Variants in CAPZB observed in about 807,000 individuals in gnomAD.
CAPZB encodes the protein F-actin-capping protein subunit beta.
A neutral mutation model predicts 38.1 loss-of-function variants in CAPZB; 2 were observed. That is an observed-to-expected ratio of 0.05 (90% CI 0.02 to 0.17). CAPZB has a LOEUF of 0.17. Among genes scored for constraint, CAPZB ranks in the 10% least tolerant of loss-of-function variants. The pLI is 1.00. For missense variants in CAPZB, 161 were observed against 334.2 expected (o/e 0.48, Z 4.04); for synonymous variants, 107 against 127.4 (o/e 0.84, Z 1.08).
intron 1 of CAPZB, among the ~76,000 whole-genome samples, chr1:19,432,248 C>T (rs1026953659): frequency 6.6e-6 from 1 of 151,372 alleles, no homozygotes; most frequent in Non-Finnish European, 1.5e-5. Flanking sequence ...TCAAGACTAG[C>T]CTGGAGAACA....
Position 19,378,631 on chromosome 1 carries a change from C to A in CAPZB, c.238G>T (p.Asp80Tyr). The change falls in exon 4 of 9, where the codon GAC becomes TAC. Residue 80 changes from aspartate to tyrosine, a missense_variant. Transcript: ENST00000264202. ...ATGGCCCCATCCTCCAAGGGAGGGT[C>A]ATACTTGTTACTCCATGGTGACCTG... ...SYRSPWSNKY[D>Y]PPLEDGAMPS... 2 of 1,607,616 alleles carry A rather than the reference C, an allele frequency of 1.2e-6. No homozygotes were observed. The highest frequency in any genetic ancestry group is 1.7e-6 in the Non-Finnish European group (2 of 1,174,122).
At chr1:19,481,660 G>C (rs569936335) in intron 1 of CAPZB, among the ~76,000 whole-genome samples, 1 of 152,338 alleles carries the variant, frequency 6.6e-6, no homozygotes, top group Non-Finnish European at 1.5e-5. Context: ...CGGGGCCCCA[G>C]AAAGCCTTGG....
In CAPZB at chr1:19,352,608, G is replaced by A. The variant is rs214337; in HGVS notation, c.588+4027C>T. ...TGGGGGGCCACGTGGCAGTGTACCA[G>A]AGGGTACCTTCTGCCCGCCTTTCCT... On this transcript the variant is annotated intron_variant, in intron 6 of 8. Transcript: ENST00000264202. 7.0e-3 allele frequency among the ~76,000 whole-genome samples: 1,063 copies of A among 152,346 alleles called. 14 individuals are homozygous for A. Among genetic ancestry groups the A allele is most frequent in the African/African-American group, 0.024 (1,001 of 41,580 alleles).
chr1:19,468,236 T>C (rs1304601882), intron 1 of CAPZB, among the ~76,000 whole-genome samples: 2 of 152,262 alleles, frequency 1.3e-5, no homozygotes, highest in Non-Finnish European at 1.5e-5. Flanking sequence ...GTTTCTTCCC[T>C]CTTTTCTATA....
intron 2 of CAPZB, among the ~76,000 whole-genome samples, chr1:19,391,413 C>G (rs760281246): frequency 2.6e-5 from 4 of 152,120 alleles, no homozygotes; most frequent in Non-Finnish European, 5.9e-5. Context: ...TGGCCGAGAG[C>G]CCACCACCAG....
At chr1:19,387,877 G>C (rs930043875) in intron 2 of CAPZB, among the ~76,000 whole-genome samples, 1 of 152,186 alleles carries the variant, frequency 6.6e-6, no homozygotes, top group Admixed American at 6.6e-5. Flanking sequence ...GGAAATGCAC[G>C]TATGTTACTG....
At chr1:19,362,557 G>A (rs893443388) in intron 4 of CAPZB, among the ~76,000 whole-genome samples, 1 of 152,112 alleles carries the variant, frequency 6.6e-6, no homozygotes, top group Non-Finnish European at 1.5e-5. Flanking sequence ...AGGACCAGGC[G>A]CAGTGGCTCA....
intron 1 of CAPZB, among the ~76,000 whole-genome samples, chr1:19,474,021 G>A (rs2094598612): frequency 6.6e-6 from 1 of 151,430 alleles, no homozygotes; most frequent in East Asian, 1.9e-4. Flanking sequence ...TTTGAGACAG[G>A]GTCTCACTCC....
chr1:19,410,033 A>C (rs113616053), intron 2 of CAPZB, among the ~76,000 whole-genome samples: 145 of 152,344 alleles, frequency 9.5e-4, no homozygotes, highest in African/African-American at 3.4e-3. Context: ...TTTATTGAAC[A>C]ATTATTTTTC....
chr1:19,438,111 T>C (rs1377282309), intron 1 of CAPZB, among the ~76,000 whole-genome samples: 1 of 152,164 alleles, frequency 6.6e-6, no homozygotes, highest in Non-Finnish European at 1.5e-5. Context: ...ACCGGGCACA[T>C]GGTTCCGAGG....
At chr1:19,484,248 G>A in intron 1 of CAPZB, 3 of 1,612,564 alleles carry the variant, frequency 1.9e-6, no homozygotes, top group Non-Finnish European at 2.5e-6. Flanking sequence ...ACAGTTCAGA[G>A]GGAAGGGGAG....
intron 3 of CAPZB, among the ~76,000 whole-genome samples, chr1:19,381,474 G>C (rs1254118873): frequency 6.6e-6 from 1 of 152,094 alleles, no homozygotes; most frequent in Non-Finnish European, 1.5e-5. Flanking sequence ...TCACAGCCCG[G>C]GAGAGGAAGA....
chr1:19,447,759 C>G (rs1018476005), intron 1 of CAPZB, among the ~76,000 whole-genome samples: 2 of 152,162 alleles, frequency 1.3e-5, no homozygotes, highest in African/African-American at 2.4e-5. Context: ...CCATCCGACC[C>G]AGCCCCAGCA....
intron 2 of CAPZB, among the ~76,000 whole-genome samples, chr1:19,391,171 A>T (rs551187792): frequency 8.3e-4 from 127 of 152,150 alleles, no homozygotes; most frequent in African/African-American, 2.8e-3. Flanking sequence ...TTGTGCCGCC[A>T]TATGGTTCTA....
intron 2 of CAPZB, among the ~76,000 whole-genome samples, chr1:19,390,909 C>T (rs985905940): frequency 9.9e-5 from 15 of 152,186 alleles, no homozygotes; most frequent in African/African-American, 3.4e-4. Flanking sequence ...GCTCTTCACA[C>T]AGACACGCAC....
intron 6 of CAPZB, among the ~76,000 whole-genome samples, chr1:19,345,906 A>G (rs2093958038): frequency 6.6e-6 from 1 of 152,096 alleles, no homozygotes. Context: ...GAGTCTCAAT[A>G]TAGACTCTGA....
chr1:19,449,477 A>G (rs772151779), intron 1 of CAPZB: 11 of 310,572 alleles, frequency 3.5e-5, no homozygotes, highest in Non-Finnish European at 5.2e-5. Context: ...AGCTAAACCC[A>G]GGTTCGTAAA....
chr1:19,405,760 C>G (rs1311966782), intron 2 of CAPZB, among the ~76,000 whole-genome samples: 1 of 152,156 alleles, frequency 6.6e-6, no homozygotes, highest in Non-Finnish European at 1.5e-5. Context: ...TCGGAGGGGC[C>G]GGCTGTCAGA....
At chr1:19,371,776 G>A (rs1450528309) in intron 4 of CAPZB, among the ~76,000 whole-genome samples, 1 of 152,224 alleles carries the variant, frequency 6.6e-6, no homozygotes, top group Non-Finnish European at 1.5e-5. Context: ...AGGAAGGGGT[G>A]CCCTGAGGGG....
Sources: gnomAD v4.1 joint callset for allele counts (sites outside exome capture counted in the v4.1 genomes callset) on GRCh38, gnomAD v4.1.1 for gene constraint, MANE v1.5 for transcripts, NCBI Gene and HGNC (gene_info 2026-07-23, HGNC 2026-07-21) for gene names.